DAGLA: variants seen among roughly 807,000 people sequenced by gnomAD.
DAGLA encodes diacylglycerol lipase alpha.
In DAGLA, 22 loss-of-function variants were observed where a neutral mutation model predicts 102.6. That is an observed-to-expected ratio of 0.21 (90% CI 0.15 to 0.31). The LOEUF is 0.31. Ranked by LOEUF, DAGLA falls within the 10% of genes least tolerant of loss-of-function variation. The pLI is 1.00. For synonymous variants in DAGLA, 578 were observed against 628.9 expected (o/e 0.92, Z 1.21); for missense variants, 927 against 1,446.6 (o/e 0.64, Z 5.83).
In DAGLA at chr11:61,691,576, G is replaced by GC. The variant is rs2065025162; in HGVS notation, c.-45+11075dup. Among the ~76,000 whole-genome samples, 3 of 152,354 alleles carry GC rather than the reference G, an allele frequency of 2.0e-5. No homozygotes were observed. The South Asian group carries it at 6.2e-4, about 32-fold the overall frequency. ...ACCTGGCCCTGTGCTCTGGCTCTGT[G>GC]CCCGCAGACAGAGTGGGCTGAGAGG... On this transcript the variant is annotated intron_variant, in intron 1 of 19. Coordinates refer to ENST00000257215, the MANE Select transcript of DAGLA (RefSeq NM_006133.3).
chr11:61,737,066 A>C, intron 13 of DAGLA, 116 bp from the exon 14 acceptor site: 1 of 1,436,918 alleles, frequency 7.0e-7, no homozygotes, highest in Non-Finnish European at 9.6e-7. Context: ...CACACAGCAC[A>C]GACAAGATCC....
chr11:61,694,402 C>A (rs1360521172), intron 1 of DAGLA, among the ~76,000 whole-genome samples: 1 of 152,242 alleles, frequency 6.6e-6, no homozygotes, highest in Non-Finnish European at 1.5e-5. Context: ...GCTGTCCCCA[C>A]AGCCAGGCTT....
intron 17 of DAGLA, among the ~76,000 whole-genome samples, 177 bp downstream of exon 17, chr11:61,739,838 A>G (rs1204759113): frequency 1.3e-5 from 2 of 152,134 alleles, no homozygotes; most frequent in Admixed American, 6.5e-5. Flanking sequence ...ATGGAACAAA[A>G]GGCCAGCCCT....
intron 1 of DAGLA, among the ~76,000 whole-genome samples, chr11:61,711,375 T>A (rs1326130843): frequency 6.6e-6 from 1 of 152,008 alleles, no homozygotes; most frequent in South Asian, 2.1e-4. Context: ...AAATGAATAA[T>A]CTCCAAGGAA....
chr11:61,737,711 G>A lies in DAGLA; in HGVS notation c.1539G>A (p.Lys513=), dbSNP rs571955289. ...GTGAGGATGCGATGGAGTATTCCAA[G>A]GAGTTCGTGACTGCTGTGGTTCTGG... is the stretch of plus-strand genomic sequence containing the variant. ...LLSEDAMEYS[K]EFVTAVVLGK... is the part of the protein sequence containing the mutation. The change falls in exon 15 of 20, where the codon AAG becomes AAA. Residue 513 remains lysine (K), a synonymous_variant. Transcript: ENST00000257215. 6.8e-6 allele frequency: 11 copies of A among 1,614,074 alleles called. No individual in the cohort carries two copies. The highest frequency in any genetic ancestry group is 9.3e-6 in the Non-Finnish European group (11 of 1,179,974).
In DAGLA at chr11:61,739,668, T is replaced by C; in HGVS notation, c.1853+7T>C. On this transcript the variant is annotated splice_region_variant and intron_variant, in intron 17 of 19. Transcript: ENST00000257215. ...ACCCTGCAGAGCAGTGCTGGTAGGT[T>C]CTGCCAGGGTCTGCTGCTGCAGGGG... 6.2e-7 allele frequency: 1 copy of C among 1,612,094 alleles called. No individual in the cohort carries two copies. The highest frequency in any genetic ancestry group is 8.5e-7 in the Non-Finnish European group (1 of 1,179,496).
intron 1 of DAGLA, among the ~76,000 whole-genome samples, chr11:61,685,319 C>A (rs771376695): frequency 6.6e-6 from 1 of 152,076 alleles, no homozygotes; most frequent in Non-Finnish European, 1.5e-5. Flanking sequence ...TTTGCTCTTG[C>A]GGCCGGAATC....
At chr11:61,692,968 C>A (rs2065036427) in intron 1 of DAGLA, among the ~76,000 whole-genome samples, 1 of 150,048 alleles carries the variant, frequency 6.7e-6, no homozygotes, top group Non-Finnish European at 1.5e-5. Flanking sequence ...TGATAGTTTT[C>A]CTAGAGGGAT....
chr11:61,696,436 G>T (rs2065066359), intron 1 of DAGLA, among the ~76,000 whole-genome samples: 3 of 152,222 alleles, frequency 2.0e-5, no homozygotes, highest in Admixed American at 1.3e-4. Context: ...CAGCGGGGAG[G>T]AGCAGTGGGG....
intron 1 of DAGLA, among the ~76,000 whole-genome samples, chr11:61,688,119 A>G (rs1168032118): frequency 6.6e-6 from 1 of 152,100 alleles, no homozygotes; most frequent in Non-Finnish European, 1.5e-5. Flanking sequence ...GATCGAGACC[A>G]TCCTGGCTAA....
chr11:61,733,362 A>G (rs1342910530), intron 9 of DAGLA, among the ~76,000 whole-genome samples: 2 of 152,210 alleles, frequency 1.3e-5, no homozygotes, highest in African/African-American at 2.4e-5. Context: ...GTGGGGGACC[A>G]TGCTCTCCCA....
intron 5 of DAGLA, among the ~76,000 whole-genome samples, chr11:61,724,981 G>A (rs552679305): frequency 1.3e-5 from 2 of 152,226 alleles, no homozygotes; most frequent in South Asian, 4.1e-4. Context: ...AGCCAGGGTT[G>A]GAGAGCGGGA....
chr11:61,707,638 T>A (rs1454191763), intron 1 of DAGLA, among the ~76,000 whole-genome samples: 2 of 152,260 alleles, frequency 1.3e-5, no homozygotes, highest in Admixed American at 1.3e-4. Flanking sequence ...TTGCCAGGGC[T>A]GGGGCTGAAG....
At chr11:61,714,510 G>T (rs943061018) in intron 1 of DAGLA, among the ~76,000 whole-genome samples, 1 of 152,360 alleles carries the variant, frequency 6.6e-6, no homozygotes, top group African/African-American at 2.4e-5. Context: ...TTCTAGGAGG[G>T]TTAGGCATCT....
chr11:61,723,314 G>A, intron 4 of DAGLA, 120 bp from the exon 5 acceptor site: 2 of 1,389,280 alleles, frequency 1.4e-6, no homozygotes, highest in South Asian at 1.4e-5. Context: ...TTTGGAGCCT[G>A]GCTTTTGTCC....
At chr11:61,691,699 C>CCA (rs1329096575) in intron 1 of DAGLA, among the ~76,000 whole-genome samples, 1 of 152,204 alleles carries the variant, frequency 6.6e-6, no homozygotes, top group African/African-American at 2.4e-5. Context: ...GTGGAGTGAA[C>CCA]CCACCTTGGA....
intron 9 of DAGLA, among the ~76,000 whole-genome samples, chr11:61,733,605 C>T (rs2065396101): frequency 6.6e-6 from 1 of 152,250 alleles, no homozygotes. Context: ...TGCTGGCTCC[C>T]TCTGGTGGCC....
intron 9 of DAGLA, among the ~76,000 whole-genome samples, chr11:61,732,050 C>T (rs538769904): frequency 1.8e-4 from 27 of 152,318 alleles, no homozygotes; most frequent in African/African-American, 5.5e-4. Flanking sequence ...CTCAGCCCAC[C>T]GCTTGGGGGC....
rs187815353 is a variant in DAGLA at position 61,718,289 on chromosome 11, C to T, written c.-44-1823C>T. 5.0e-3 allele frequency among the ~76,000 whole-genome samples: 726 copies of T among 146,178 alleles called. 10 individuals are homozygous for T. Among genetic ancestry groups the T allele is most frequent in the African/African-American group, 0.019 (692 of 35,976 alleles). Reference sequence around the variant, plus strand: ...CTACAGCACCTGCGGGGGCGTACTGCCCCCCCAGCCTCTAGATTCATTCCA... The same window carrying T: ...CTACAGCACCTGCGGGGGCGTACTGTCCCCCCAGCCTCTAGATTCATTCCA... On this transcript the variant is annotated intron_variant, in intron 1 of 19. Coordinates refer to ENST00000257215, the MANE Select transcript of DAGLA (RefSeq NM_006133.3).
Sources: allele counts gnomAD v4.1 joint callset (sites outside exome capture counted in the v4.1 genomes callset), GRCh38; gene constraint gnomAD v4.1.1; transcripts MANE v1.5; gene names NCBI Gene and HGNC (gene_info 2026-07-23, HGNC 2026-07-21).